C14orf132: variants seen among roughly 807,000 people sequenced by gnomAD.
C14orf132 encodes uncharacterized protein C14orf132.
Under a neutral mutation model 5.8 loss-of-function variants are expected in C14orf132, and 6 were observed. The observed-to-expected ratio is 1.03, with a 90% confidence interval of 0.57 to 2.04. C14orf132 has a LOEUF of 2.04. Ranked by LOEUF, C14orf132 falls within the 30% of genes most tolerant of loss-of-function variation. C14orf132 has a pLI of 0.00. For missense variants in C14orf132, 125 were observed against 115.8 expected (o/e 1.08, Z -0.37); for synonymous variants, 51 against 49.8 (o/e 1.02, Z -0.10).
At chr14:96,072,887 G>A (rs1368301017) in intron 1 of C14orf132, among the ~76,000 whole-genome samples, 1 of 152,228 alleles carries the variant, frequency 6.6e-6, no homozygotes, top group Non-Finnish European at 1.5e-5. Flanking sequence ...CCAGTTGAAA[G>A]TCATTCGCGT....
At position 96,090,786 on chromosome 14, in the gene C14orf132, G is replaced by T. The variant is rs1417039808; in HGVS notation, c.*4051G>T. 1 of 456,090 alleles carries T rather than the reference G, an allele frequency of 2.2e-6. No homozygotes were observed. Among genetic ancestry groups the T allele is most frequent in the African/African-American group, 2.0e-5 (1 of 50,198 alleles). 28.3% of individuals were successfully genotyped at this position (456,090 alleles called of 1,614,324 possible). A position where few individuals can be genotyped will look rare whatever the true frequency, so the allele number is the denominator to read the frequency against. Reference sequence around the variant, plus strand: ...GTTCAGCTGGAAGGCTTGGAGGCTGGCCAGACCACTCTGGCGTCTCCTGAA... The same window carrying T: ...GTTCAGCTGGAAGGCTTGGAGGCTGTCCAGACCACTCTGGCGTCTCCTGAA... On this transcript the variant is annotated 3_prime_UTR_variant, in exon 2 of 2. Transcript: ENST00000555004.
At position 96,056,364 on chromosome 14, in the gene C14orf132, A is replaced by G. The variant is rs972537246; in HGVS notation, c.27+16837A>G. 7.9e-5 allele frequency among the ~76,000 whole-genome samples: 12 copies of G among 152,254 alleles called. 1 individual carries two copies. Among genetic ancestry groups the G allele is most frequent in the East Asian group, 3.9e-4 (2 of 5,182 alleles). ...TCAGCTGGGCCTTTTTGGCCTTGAC[A>G]ATACTGCTCTCACATTGTGCGACCT... is the stretch of plus-strand genomic sequence containing the variant. On this transcript the variant is annotated intron_variant, in intron 1 of 1. Coordinates refer to ENST00000555004, the MANE Select transcript of C14orf132 (RefSeq NM_001252507.3).
intron 1 of C14orf132, chr14:96,051,118 C>T: frequency 2.5e-6 from 1 of 398,636 alleles, no homozygotes; most frequent in Non-Finnish European, 4.4e-6. Context: ...CATACATACT[C>T]TACAGGTCAA....
rs1888480759 is a variant in C14orf132, at chr14:96,093,445, C to T, written c.*6710C>T. On this transcript the variant is annotated 3_prime_UTR_variant, in exon 2 of 2. Coordinates refer to ENST00000555004, the MANE Select transcript of C14orf132 (RefSeq NM_001252507.3). ...ATCTGCATCTTCTCTTATTTCTGAC[C>T]TTTTTCCACGTGCCCAGTCCTATTT... 1 of 152,194 alleles carries T rather than the reference C, an allele frequency of 6.6e-6. No individual in the cohort carries two copies. Among genetic ancestry groups the T allele is most frequent in the South Asian group, 2.1e-4 (1 of 4,832 alleles). The allele number at this position is 152,194 out of a possible 1,614,324, so 9.4% of individuals were successfully genotyped here.
intron 1 of C14orf132, among the ~76,000 whole-genome samples, chr14:96,054,507 T>C (rs1280689388): frequency 6.6e-6 from 1 of 152,216 alleles, no homozygotes; most frequent in Non-Finnish European, 1.5e-5. Context: ...AGATGCTTAA[T>C]TTCTTGGAGC....
intron 1 of C14orf132, among the ~76,000 whole-genome samples, chr14:96,084,048 T>C (rs1888108095): frequency 6.6e-6 from 1 of 152,202 alleles, no homozygotes; most frequent in Non-Finnish European, 1.5e-5. Flanking sequence ...TCCCCAGTGA[T>C]TTGGATGAAA....
At chr14:96,045,748 G>A (rs1886817049) in intron 1 of C14orf132, among the ~76,000 whole-genome samples, 1 of 152,224 alleles carries the variant, frequency 6.6e-6, no homozygotes, top group Non-Finnish European at 1.5e-5. Flanking sequence ...ACCAACCATG[G>A]TGTGGACTGT....
chr14:96,078,471 A>G (rs1887938116), intron 1 of C14orf132, among the ~76,000 whole-genome samples: 1 of 152,150 alleles, frequency 6.6e-6, no homozygotes, highest in South Asian at 2.1e-4. Context: ...CTCCAGGTTT[A>G]TCTTCCTTCC....
At chr14:96,052,713 C>T (rs539788094) in intron 1 of C14orf132, among the ~76,000 whole-genome samples, 9 of 152,134 alleles carry the variant, frequency 5.9e-5, no homozygotes, top group East Asian at 1.9e-4. Flanking sequence ...CCTTGCCCCA[C>T]GTCCTCAAAC....
At chr14:96,085,933 T>C (rs1888167463) in intron 1 of C14orf132, among the ~76,000 whole-genome samples, 1 of 151,764 alleles carries the variant, frequency 6.6e-6, no homozygotes, top group Non-Finnish European at 1.5e-5. Context: ...CACGTTTAAA[T>C]GTGTTTTCTC....
At chr14:96,077,376 A>G (rs1887901093) in intron 1 of C14orf132, among the ~76,000 whole-genome samples, 1 of 152,136 alleles carries the variant, frequency 6.6e-6, no homozygotes, top group Admixed American at 6.5e-5. Context: ...TACCTTAGAC[A>G]TGAGTGTATT....
Position 96,086,523 on chromosome 14 carries a change from G to C in C14orf132, c.40G>C (p.Gly14Arg), listed in dbSNP as rs763272599. ...SFMAAQLPMM[G>R]GAFMDSPNED... ...TCCTTCTTTGCAGCTGCCCATGATG[G>C]GGGGAGCTTTCATGGACTCGCCCAA... Residue 14 changes from glycine to arginine, a missense_variant, in exon 2 of 2, where the codon GGG (glycine) becomes CGG (arginine). Transcript: ENST00000555004. 30 of 1,535,944 alleles carry C rather than the reference G, an allele frequency of 2.0e-5. No individual in the cohort carries two copies. The highest frequency in any genetic ancestry group is 1.5e-4 in the East Asian group (6 of 40,936).
intron 1 of C14orf132, among the ~76,000 whole-genome samples, chr14:96,044,271 T>G (rs1886775680): frequency 1.3e-5 from 2 of 152,246 alleles, no homozygotes; most frequent in South Asian, 4.1e-4. Flanking sequence ...TCTCCCAGGC[T>G]GAAGCAATCT....
Position 96,090,840 on chromosome 14 carries a change from G to A in C14orf132, c.*4105G>A, listed in dbSNP as rs1471443392. Reference sequence around the variant, plus strand: ...GGTCCCTGGAGACCGAAGAGGCTCAGTGGAGTCTGTCTGTTGTCAGCACTG... The same window carrying A: ...GGTCCCTGGAGACCGAAGAGGCTCAATGGAGTCTGTCTGTTGTCAGCACTG... On this transcript the variant is annotated 3_prime_UTR_variant, in exon 2 of 2. Coordinates refer to ENST00000555004, the MANE Select transcript of C14orf132 (RefSeq NM_001252507.3). The A allele has an allele frequency of 2.2e-6, 1 of 456,128 alleles. No homozygotes were observed. Among genetic ancestry groups the A allele is most frequent in the Non-Finnish European group, 4.4e-6 (1 of 226,812 alleles). 28.3% of individuals were successfully genotyped at this position (456,128 alleles called of 1,614,324 possible).
intron 1 of C14orf132, among the ~76,000 whole-genome samples, chr14:96,052,566 C>A (rs937974573): frequency 2.0e-5 from 3 of 152,320 alleles, no homozygotes; most frequent in Non-Finnish European, 2.9e-5. Context: ...CAAGGAAGAG[C>A]AGGGAATTAA....
At chr14:96,049,475 TGTATATATATGCATATATATAC>T (rs949802137) in intron 1 of C14orf132, among the ~76,000 whole-genome samples, 4 of 147,052 alleles carry the variant, frequency 2.7e-5, no homozygotes, top group Admixed American at 6.8e-5. Flanking sequence ...TATATATATG[TGTATATATATGCATATATATAC>T]GTATATATAC....
intron 1 of C14orf132, among the ~76,000 whole-genome samples, chr14:96,078,080 A>T (rs1887929882): frequency 6.6e-6 from 1 of 152,170 alleles, no homozygotes; most frequent in Non-Finnish European, 1.5e-5. Context: ...CTGCATCCTC[A>T]TGTGCTGCTG....
At chr14:96,056,497 G>A (rs548452764) in intron 1 of C14orf132, among the ~76,000 whole-genome samples, 1 of 152,276 alleles carries the variant, frequency 6.6e-6, no homozygotes, top group Non-Finnish European at 1.5e-5. Flanking sequence ...ACTGACTTAG[G>A]TTTGAATCCC....
intron 1 of C14orf132, among the ~76,000 whole-genome samples, chr14:96,067,136 C>T (rs1013650062): frequency 1.3e-5 from 2 of 152,164 alleles, no homozygotes; most frequent in African/African-American, 4.8e-5. Flanking sequence ...TGCTGGGGTG[C>T]CCAGAAGGGG....
Sources: gnomAD v4.1 joint callset for allele counts (sites outside exome capture counted in the v4.1 genomes callset) on GRCh38, gnomAD v4.1.1 for gene constraint, MANE v1.5 for transcripts, NCBI Gene and HGNC (gene_info 2026-07-23, HGNC 2026-07-21) for gene names.